RBMS2: variants seen among roughly 807,000 people sequenced by gnomAD.
RBMS2 encodes the protein RNA binding motif single stranded interacting protein 2.
Under a neutral mutation model 58.4 loss-of-function variants are expected in RBMS2, and 38 were observed. That is an observed-to-expected ratio of 0.65 (90% CI 0.50 to 0.85). RBMS2 has a LOEUF of 0.85. RBMS2 is among the 40% of genes least tolerant of loss of function. The pLI is 0.00. For missense variants in RBMS2, 367 were observed against 503.7 expected, an observed-to-expected ratio of 0.73 and a Z score of 2.60; for synonymous variants, 151 against 180.7, an observed-to-expected ratio of 0.84 and a Z score of 1.32.
intron 2 of RBMS2, among the ~76,000 whole-genome samples, chr12:56,567,639 C>T (rs1881593009): frequency 6.6e-6 from 1 of 152,046 alleles, no homozygotes. Flanking sequence ...GAGTTAAAGA[C>T]CAGCCTGGGT....
At chr12:56,543,521 T>G (rs868026138) in intron 1 of RBMS2, among the ~76,000 whole-genome samples, 4 of 151,138 alleles carry the variant, frequency 2.6e-5, no homozygotes, top group South Asian at 2.1e-4. Context: ...CTTTTTTTTT[T>G]TTTTTTGAGA....
At chr12:56,546,965 T>C (rs1877361128) in intron 1 of RBMS2, among the ~76,000 whole-genome samples, 1 of 152,198 alleles carries the variant, frequency 6.6e-6, no homozygotes, top group Non-Finnish European at 1.5e-5. Context: ...AGAACTTATC[T>C]GTCTTTTTTA....
At chr12:56,581,363 G>T in intron 6 of RBMS2, 36 bp from the exon 7 acceptor site, 1 of 1,603,830 alleles carries the variant, frequency 6.2e-7, no homozygotes, top group Non-Finnish European at 8.5e-7. Flanking sequence ...CACATGAGGT[G>T]GGACTCAGCT....
intron 9 of RBMS2, among the ~76,000 whole-genome samples, chr12:56,583,385 G>A (rs111288194): frequency 0.064 from 9,759 of 152,188 alleles, 560 homozygotes; most frequent in African/African-American, 0.15. Context: ...TGGGCACGGT[G>A]GCTCATACCT....
At position 56,524,552 on chromosome 12, in the gene RBMS2, C is replaced by A. The variant is rs1395139693; in HGVS notation, c.66+2463C>A. 7.9e-5 allele frequency among the ~76,000 whole-genome samples: 12 copies of A among 151,324 alleles called. No homozygotes were observed. The South Asian group carries it at 8.4e-4, about 11-fold the overall frequency. Reference sequence around the variant, plus strand: ...GCCTCAGCCTCACAAGTAGCTGGAACTACAGGAGTGCCACCACACCCGGAC... The same window carrying A: ...GCCTCAGCCTCACAAGTAGCTGGAAATACAGGAGTGCCACCACACCCGGAC... On this transcript the variant is annotated intron_variant, in intron 1 of 13. Transcript: ENST00000262031.
chr12:56,556,038 CTG>C (rs1238518684), intron 1 of RBMS2, among the ~76,000 whole-genome samples: 1 of 148,140 alleles, frequency 6.8e-6, no homozygotes, highest in Non-Finnish European at 1.5e-5. Flanking sequence ...GAGCTAGACT[CTG>C]TGTCTTAAAA....
At position 56,592,680 on chromosome 12, in the gene RBMS2, TTTTTA is replaced by T. The variant is rs1283954706; in HGVS notation, c.*3552_*3556del. ...CACCCACCACCATGCCCGGCTAATT[TTTTTA>T]TTTTTAGTAGAGATGGGGTTTCACC... is the stretch of plus-strand genomic sequence containing the variant. On this transcript the variant is annotated 3_prime_UTR_variant, in exon 14 of 14. Coordinates refer to ENST00000262031, the MANE Select transcript of RBMS2 (RefSeq NM_002898.4). 1 of 152,104 alleles carries T rather than the reference TTTTTA, an allele frequency of 6.6e-6. No individual in the cohort carries two copies. The highest frequency in any genetic ancestry group is 1.5e-5 in the Non-Finnish European group (1 of 68,054). The allele number at this position is 152,104 out of a possible 1,614,324, so 9.4% of individuals were successfully genotyped here. A position where few individuals can be genotyped will look rare whatever the true frequency, so the allele number is the denominator to read the frequency against.
In RBMS2 at chr12:56,594,016, T is replaced by G. The variant is rs979509678; in HGVS notation, c.*4883T>G. On this transcript the variant is annotated 3_prime_UTR_variant, in exon 14 of 14. Transcript: ENST00000262031. ...CTGCTTCACAGGCCATGCGCTGGGT[T>G]GGGCCACTTCAGCTCCACTCCATTC... The G allele has an allele frequency of 3.3e-5, 5 of 152,376 alleles. No homozygotes were observed. Among genetic ancestry groups the G allele is most frequent in the African/African-American group, 9.6e-5 (4 of 41,456 alleles). 9.4% of individuals were successfully genotyped at this position (152,376 alleles called of 1,614,324 possible). A position where few individuals can be genotyped will look rare whatever the true frequency, so the allele number is the denominator to read the frequency against.
intron 1 of RBMS2, among the ~76,000 whole-genome samples, chr12:56,540,525 T>A (rs993400358): frequency 1.3e-5 from 2 of 152,028 alleles, no homozygotes; most frequent in African/African-American, 4.8e-5. Context: ...AGGTGTACAC[T>A]AACACACCCA....
intron 1 of RBMS2, among the ~76,000 whole-genome samples, chr12:56,557,592 C>T (rs1592407883): frequency 2.0e-5 from 3 of 151,992 alleles, no homozygotes; most frequent in East Asian, 1.9e-4. Flanking sequence ...TCTTCTGAGC[C>T]GTATCTTCTT....
Position 56,587,671 on chromosome 12 carries a change from C to A in RBMS2, c.1062+7C>A. ...CCTCAGCAGCACAGGCACGGTAAAG[C>A]AGGATATTTCTGATTGTAAACTCTC... is the stretch of plus-strand genomic sequence containing the variant. On this transcript the variant is annotated splice_region_variant and intron_variant, in intron 11 of 13. Coordinates refer to ENST00000262031, the MANE Select transcript of RBMS2 (RefSeq NM_002898.4). 1 of 1,611,762 alleles carries A rather than the reference C, an allele frequency of 6.2e-7. No individual in the cohort carries two copies. Among genetic ancestry groups the A allele is most frequent in the Non-Finnish European group, 8.5e-7 (1 of 1,178,274 alleles).
At chr12:56,580,616 A>G (rs1473551183) in intron 5 of RBMS2, among the ~76,000 whole-genome samples, 1 of 151,988 alleles carries the variant, frequency 6.6e-6, no homozygotes, top group Non-Finnish European at 1.5e-5. Context: ...CTGATTCCTT[A>G]TTTCTCTTTC....
chr12:56,530,232 C>T (rs1275274376), intron 1 of RBMS2, among the ~76,000 whole-genome samples: 2 of 146,708 alleles, frequency 1.4e-5, no homozygotes, highest in East Asian at 2.0e-4. Context: ...AAATGGGTGA[C>T]GTGTATGGTA....
At chr12:56,584,299 G>A (rs183501594) in intron 9 of RBMS2, among the ~76,000 whole-genome samples, 10 of 152,108 alleles carry the variant, frequency 6.6e-5, no homozygotes, top group Non-Finnish European at 4.4e-5. Flanking sequence ...CAGGTGAGGT[G>A]GTGCGTGCCT....
At chr12:56,526,498 G>A (rs1320025128) in intron 1 of RBMS2, among the ~76,000 whole-genome samples, 4 of 151,788 alleles carry the variant, frequency 2.6e-5, no homozygotes, top group African/African-American at 7.2e-5. Context: ...GCCTAATAAA[G>A]GCGGACTTTT....
In RBMS2 at chr12:56,562,584, G is replaced by A. The variant is rs140037879; in HGVS notation, c.233+1G>A. On this transcript the variant is annotated splice_donor_variant, in intron 2 of 13. Coordinates refer to ENST00000262031, the MANE Select transcript of RBMS2 (RefSeq NM_002898.4). LOFTEE classifies it high-confidence loss of function. ...AAGATCTTGTCAAGCTGTGTCAGCCGTAAGTTGGAGTACATGTGCGTAGGC... is the reference window on the plus strand; with the variant it reads ...AAGATCTTGTCAAGCTGTGTCAGCCATAAGTTGGAGTACATGTGCGTAGGC... The A allele has an allele frequency of 8.1e-6, 13 of 1,612,312 alleles. No homozygotes were observed. The highest frequency in any genetic ancestry group is 1.1e-5 in the South Asian group (1 of 91,046).
chr12:56,584,414 A>G (rs1463847483), intron 9 of RBMS2, among the ~76,000 whole-genome samples: 1 of 151,720 alleles, frequency 6.6e-6, no homozygotes, highest in African/African-American at 2.4e-5. Context: ...CCTGTGCAAC[A>G]GAGCAAGACC....
intron 1 of RBMS2, among the ~76,000 whole-genome samples, chr12:56,543,824 C>T (rs535211246): frequency 6.3e-4 from 95 of 150,912 alleles, no homozygotes; most frequent in South Asian, 6.0e-3. Context: ...TGCGCCACCA[C>T]GCCTGGCTAA....
intron 1 of RBMS2, among the ~76,000 whole-genome samples, chr12:56,536,042 A>G (rs1874735443): frequency 6.6e-6 from 1 of 151,938 alleles, no homozygotes; most frequent in African/African-American, 2.4e-5. Context: ...CTCTATTAAA[A>G]ATACAAAAAT....
Sources: gnomAD v4.1 joint callset for allele counts (sites outside exome capture counted in the v4.1 genomes callset) on GRCh38, gnomAD v4.1.1 for gene constraint, MANE v1.5 for transcripts, NCBI Gene and HGNC (gene_info 2026-07-23, HGNC 2026-07-21) for gene names.